IDH3A: variants seen among roughly 807,000 people sequenced by gnomAD.
The protein encoded by IDH3A is isocitrate dehydrogenase [NAD] subunit alpha, mitochondrial.
In IDH3A, 23 loss-of-function variants were observed where a neutral mutation model predicts 43.3. The observed-to-expected ratio is 0.53, with a 90% CI of 0.38 to 0.75. The LOEUF (loss-of-function observed/expected upper bound fraction) is 0.75. Ranked by LOEUF, IDH3A falls within the 30% of genes least tolerant of loss-of-function variation. The probability of loss-of-function intolerance (pLI) is 0.00; values close to 1 mark genes in which losing one functional copy is unlikely to be tolerated. For synonymous variants in IDH3A, 154 were observed against 163.5 expected, an observed-to-expected ratio of 0.94 and a Z score of 0.44; for missense variants, 329 against 474.4, an observed-to-expected ratio of 0.69 and a Z score of 2.85.
chr15:78,149,462 A>G (rs1455521318), intron 1 of IDH3A, 32 bp downstream of exon 1: 3 of 1,520,644 alleles, frequency 2.0e-6, no homozygotes, highest in African/African-American at 1.4e-5. Context: ...TGTGGCAGGC[A>G]GGCAGGCCGC....
Position 78,171,382 on chromosome 15 carries a change from C to G in IDH3A, c.*2377C>G. Reference sequence around the variant, plus strand: ...GTGCCCAGACTGAAGAGACCTGGGGCTCAGGAAGAGGCTCGGAACGCCTGC... The same window carrying G: ...GTGCCCAGACTGAAGAGACCTGGGGGTCAGGAAGAGGCTCGGAACGCCTGC... On this transcript the variant is annotated 3_prime_UTR_variant, in exon 11 of 11. Transcript: ENST00000299518. 1 of 1,427,766 alleles carries G rather than the reference C, an allele frequency of 7.0e-7. No individual in the cohort carries two copies. Among genetic ancestry groups the G allele is most frequent in the Admixed American group, 1.7e-5 (1 of 57,314 alleles). 88.4% of individuals were successfully genotyped at this position (1,427,766 alleles called of 1,614,324 possible).
At chr15:78,156,264 T>A (rs1453675233) in intron 2 of IDH3A, among the ~76,000 whole-genome samples, 1 of 152,102 alleles carries the variant, frequency 6.6e-6, no homozygotes. Context: ...GAAAAAAAAA[T>A]TAGCTTGATG....
chr15:78,163,705 A>G lies in IDH3A; in HGVS notation c.715-11A>G, dbSNP rs756003347. On this transcript the variant is annotated splice_polypyrimidine_tract_variant and intron_variant, in intron 7 of 10. Transcript: ENST00000299518. ...TTTTGATTACTAAATGCACAAATGT[A>G]TTCCTTGTAGATGGTACAAGATCCT... 1.1e-5 allele frequency: 18 copies of G among 1,609,064 alleles called. No homozygotes were observed. The highest frequency in any genetic ancestry group is 1.4e-5 in the Non-Finnish European group (17 of 1,175,570).
intron 3 of IDH3A, among the ~76,000 whole-genome samples, chr15:78,159,246 AC>A (rs1331892604): frequency 6.6e-6 from 1 of 151,900 alleles, no homozygotes; most frequent in African/African-American, 2.4e-5. Context: ...CGAAAAAGAA[AC>A]CCCATACCCT....
In IDH3A at chr15:78,163,749, G is replaced by A. The variant is rs1375833120; in HGVS notation, c.748G>A (p.Val250Ile). The change falls in exon 8 of 11, where the codon GTT (valine) becomes ATT (isoleucine). Residue 250 changes from valine to isoleucine, a missense_variant. Coordinates refer to ENST00000299518, the MANE Select transcript of IDH3A (RefSeq NM_005530.3). ...VQDPSQFDVLVMPNLYGDILS... is the reference protein window; with the variant it reads ...VQDPSQFDVLIMPNLYGDILS... The stretch of plus-strand genomic sequence containing the variant: ...AGATCCTTCCCAATTTGATGTTCTT[G>A]TTATGCCAAATTTGTATGGAGACAT... The A allele has an allele frequency of 1.2e-6, 2 of 1,613,208 alleles. No individual in the cohort carries two copies. Among genetic ancestry groups the A allele is most frequent in the Non-Finnish European group, 1.7e-6 (2 of 1,179,244 alleles).
chr15:78,164,583 C>G (rs540014323), intron 8 of IDH3A, among the ~76,000 whole-genome samples: 6 of 152,186 alleles, frequency 3.9e-5, no homozygotes, highest in Admixed American at 3.9e-4. Flanking sequence ...AACTCCTGAC[C>G]TCAAGTGATC....
chr15:78,151,880 G>A (rs1596374000), intron 1 of IDH3A, among the ~76,000 whole-genome samples: 1 of 152,058 alleles, frequency 6.6e-6, no homozygotes, highest in East Asian at 1.9e-4. Flanking sequence ...GACTACTGGT[G>A]TGTGCCACCA....
At chr15:78,166,056 T>G in intron 9 of IDH3A, 94 bp from the exon 10 acceptor site, 1 of 1,167,906 alleles carries the variant, frequency 8.6e-7, no homozygotes, top group Non-Finnish European at 1.3e-6. Flanking sequence ...TATTTTGTAT[T>G]GCTGAGGAAA....
In IDH3A at chr15:78,171,388, A is replaced by G. The variant is rs1412078875; in HGVS notation, c.*2383A>G. On this transcript the variant is annotated 3_prime_UTR_variant, in exon 11 of 11. Coordinates refer to ENST00000299518, the MANE Select transcript of IDH3A (RefSeq NM_005530.3). The stretch of plus-strand genomic sequence containing the variant: ...AGACTGAAGAGACCTGGGGCTCAGG[A>G]AGAGGCTCGGAACGCCTGCCCTCTA... 6.8e-7 allele frequency: 1 copy of G among 1,467,156 alleles called. No individual in the cohort carries two copies. Among genetic ancestry groups the G allele is most frequent in the Non-Finnish European group, 9.5e-7 (1 of 1,052,512 alleles). The allele number at this position is 1,467,156 out of a possible 1,614,324, so 90.9% of individuals were successfully genotyped here.
rs1207113823 is a variant in IDH3A, at chr15:78,171,647, G to A, written c.*2642G>A. On this transcript the variant is annotated 3_prime_UTR_variant, in exon 11 of 11. Transcript: ENST00000299518. ...ACTCAGGAATTAAGCCAGATAATCA[G>A]GACCGTCAGTAGCCAGCCTCCAAGA... 1.3e-6 allele frequency: 1 copy of A among 796,258 alleles called. No individual in the cohort carries two copies. The highest frequency in any genetic ancestry group is 1.7e-5 in the African/African-American group (1 of 57,846). The allele number at this position is 796,258 out of a possible 1,614,324, so 49.3% of individuals were successfully genotyped here.
chr15:78,164,989 T>C lies in IDH3A; in HGVS notation c.780-3T>C. The C allele has an allele frequency of 6.2e-7, 1 of 1,610,866 alleles. No homozygotes were observed. On this transcript the variant is annotated splice_region_variant and splice_polypyrimidine_tract_variant and intron_variant, in intron 8 of 10. Coordinates refer to ENST00000299518, the MANE Select transcript of IDH3A (RefSeq NM_005530.3). ...ATTCTTTGAAATGCTTTTCTTCCGC[T>C]AGTGACTTGTGTGCAGGATTGATCG...
chr15:78,153,526 A>T (rs2074597189), intron 1 of IDH3A, among the ~76,000 whole-genome samples: 1 of 152,168 alleles, frequency 6.6e-6, no homozygotes, highest in African/African-American at 2.4e-5. Flanking sequence ...GATTTGGCCC[A>T]GTCTTATTTT....
At chr15:78,157,430 C>T (rs2141944450) in intron 2 of IDH3A, 118 bp from the exon 3 acceptor site, 1 of 728,420 alleles carries the variant, frequency 1.4e-6, no homozygotes, top group Non-Finnish European at 2.2e-6. Flanking sequence ...GTTTTCTTAA[C>T]AGCATTTGAA....
chr15:78,152,666 C>T (rs1179444685), intron 1 of IDH3A, among the ~76,000 whole-genome samples: 1 of 152,036 alleles, frequency 6.6e-6, no homozygotes, highest in Non-Finnish European at 1.5e-5. Flanking sequence ...GGCCTCATGT[C>T]ACTTTTATGC....
At chr15:78,158,239 G>C (rs2074643255) in intron 3 of IDH3A, among the ~76,000 whole-genome samples, 1 of 151,810 alleles carries the variant, frequency 6.6e-6, no homozygotes, top group Admixed American at 6.6e-5. Flanking sequence ...TCTAACAGCT[G>C]AGCCTTTGAT....
chr15:78,169,000 G>C lies in IDH3A; in HGVS notation c.1096G>C (p.Asp366His). 6.3e-7 allele frequency: 1 copy of C among 1,589,978 alleles called. No individual in the cohort carries two copies. Among genetic ancestry groups the C allele is most frequent in the Non-Finnish European group, 8.6e-7 (1 of 1,159,642 alleles). Residue 366 changes from aspartate to histidine, a missense_variant, in exon 11 of 11, where the codon GAT (aspartate) becomes CAT (histidine). By Grantham distance (81) the Asp-to-His change is moderately conservative. This residue lies in a region of IDH3A where 91 missense variants were observed against 111.6 expected (regional missense o/e 0.82). Transcript: ENST00000299518. Reference protein sequence around the residue: ...EEICRRVKDLD With the variant: ...EEICRRVKDLH Reference sequence around the variant, plus strand: ...AATCTGTCGCCGAGTAAAAGATTTAGATTAACACTTCTACAACTGGCATTT... The same window carrying C: ...AATCTGTCGCCGAGTAAAAGATTTACATTAACACTTCTACAACTGGCATTT...
chr15:78,157,216 GAATT>G (rs2074630051), intron 2 of IDH3A: 2 of 1,037,120 alleles, frequency 1.9e-6, no homozygotes, highest in Non-Finnish European at 2.4e-6. Context: ...TAAAAGATTT[GAATT>G]AATTGGTCTC....
chr15:78,167,499 T>C (rs981998224), intron 10 of IDH3A: 1 of 152,216 alleles, frequency 6.6e-6, no homozygotes, highest in Admixed American at 6.5e-5. Flanking sequence ...ACAAAAATTG[T>C]GAAAAATATG....
At position 78,164,977 on chromosome 15, in the gene IDH3A, CT is replaced by C; in HGVS notation, c.780-11del. 1 of 1,600,902 alleles carries C rather than the reference CT, an allele frequency of 6.2e-7. No homozygotes were observed. Among genetic ancestry groups the C allele is most frequent in the Non-Finnish European group, 8.5e-7 (1 of 1,170,272 alleles). On this transcript the variant is annotated splice_polypyrimidine_tract_variant and intron_variant, in intron 8 of 10. Transcript: ENST00000299518. ...ATTTTTAAAAACATTCTTTGAAATG[CT>C]TTTCTTCCGCTAGTGACTTGTGTGC...
Sources: gnomAD v4.1 joint callset for allele counts (sites outside exome capture counted in the v4.1 genomes callset) on GRCh38, gnomAD v4.1.1 for gene constraint, gnomAD v4.1.1 regional missense constraint, MANE v1.5 for transcripts, NCBI Gene and HGNC (gene_info 2026-07-23, HGNC 2026-07-21) for gene names.